Variants in SUZ12 observed in about 807,000 individuals in gnomAD.
The protein encoded by SUZ12 is SUZ12 polycomb repressive complex 2 subunit.
Under a neutral mutation model 87.3 loss-of-function variants are expected in SUZ12, and 17 were observed. The observed-to-expected ratio is 0.19, with a 90% CI of 0.13 to 0.29. The LOEUF (loss-of-function observed/expected upper bound fraction) is 0.29, where lower values mean the gene tolerates loss of function less well. Among genes scored for constraint, SUZ12 ranks in the 10% least tolerant of loss-of-function variants. The pLI, the probability that SUZ12 is intolerant of heterozygous loss-of-function variation, is 1.00. For synonymous variants in SUZ12, 253 were observed against 312.4 expected, an observed-to-expected ratio of 0.81 and a Z score of 2.01; for missense variants, 526 against 912.2, an observed-to-expected ratio of 0.58 and a Z score of 5.45.
intron 3 of SUZ12, among the ~76,000 whole-genome samples, chr17:31,941,402 G>A (rs958584097): frequency 1.3e-5 from 2 of 151,568 alleles, no homozygotes; most frequent in African/African-American, 4.8e-5. Context: ...GGTTACAGGC[G>A]CCTGCCACCA....
intron 3 of SUZ12, among the ~76,000 whole-genome samples, chr17:31,945,737 A>C (rs1906594737): frequency 6.6e-6 from 1 of 152,204 alleles, no homozygotes; most frequent in Admixed American, 6.5e-5. Context: ...TCTATTTCAA[A>C]TGGTTAATCA....
Position 31,983,108 on chromosome 17 carries a change from T to C in SUZ12, c.1023+4T>C. On this transcript the variant is annotated splice_donor_region_variant and intron_variant, in intron 9 of 15. Coordinates refer to ENST00000322652, the MANE Select transcript of SUZ12 (RefSeq NM_015355.4). Reference sequence around the variant, plus strand: ...GGAGACTATTCTTGATGGGAAGGTATGGACTACTTAGAAGGTTGAGCACGT... The same window carrying C: ...GGAGACTATTCTTGATGGGAAGGTACGGACTACTTAGAAGGTTGAGCACGT... 1.9e-6 allele frequency: 3 copies of C among 1,612,952 alleles called. No individual in the cohort carries two copies. The highest frequency in any genetic ancestry group is 2.5e-6 in the Non-Finnish European group (3 of 1,179,544).
intron 4 of SUZ12, among the ~76,000 whole-genome samples, chr17:31,955,530 C>T (rs1187217807): frequency 2.0e-5 from 3 of 151,978 alleles, no homozygotes; most frequent in Non-Finnish European, 4.4e-5. Context: ...GGGCGGATCA[C>T]GAGGTCAGGA....
At chr17:31,960,003 T>C (rs988002117) in intron 4 of SUZ12, among the ~76,000 whole-genome samples, 6 of 152,210 alleles carry the variant, frequency 3.9e-5, no homozygotes, top group Non-Finnish European at 8.8e-5. Flanking sequence ...AAACTAGATT[T>C]TTTTGTGGCC....
chr17:31,986,085 C>G (rs1337078931), intron 9 of SUZ12, among the ~76,000 whole-genome samples: 1 of 152,124 alleles, frequency 6.6e-6, no homozygotes, highest in Non-Finnish European at 1.5e-5. Context: ...TCTCTTGCCT[C>G]AGCCTCCTGA....
chr17:31,956,159 C>T (rs908560223), intron 4 of SUZ12, among the ~76,000 whole-genome samples: 22 of 151,574 alleles, frequency 1.5e-4, no homozygotes, highest in Admixed American at 4.6e-4. Context: ...GTGATCTGTC[C>T]GCCTCGGCCT....
At chr17:31,966,430 C>T (rs1416139954) in intron 5 of SUZ12, 1 of 415,148 alleles carries the variant, frequency 2.4e-6, no homozygotes, top group Admixed American at 4.3e-5. Context: ...TGACTGCAGC[C>T]TCCACCTCCC....
chr17:31,945,866 G>A (rs2142126381), intron 3 of SUZ12, among the ~76,000 whole-genome samples: 1 of 152,230 alleles, frequency 6.6e-6, no homozygotes, highest in South Asian at 2.1e-4. Flanking sequence ...ATTCGGAAAA[G>A]TTTTCAGTAG....
At chr17:31,980,104 A>ATTTGAGCCCAGGAG (rs1909009491) in intron 8 of SUZ12, among the ~76,000 whole-genome samples, 1 of 151,916 alleles carries the variant, frequency 6.6e-6, no homozygotes, top group East Asian at 1.9e-4. Context: ...CGGGAAGACT[A>ATTTGAGCCCAGGAG]TTTGAGCCCA....
chr17:31,937,657 T>G (rs1906022581), intron 1 of SUZ12, 137 bp downstream of exon 1: 24 of 1,244,654 alleles, frequency 1.9e-5, no homozygotes, highest in Non-Finnish European at 2.5e-5. Context: ...GATGTCCCCC[T>G]TTCGGAGATT....
In SUZ12 at chr17:32,000,646, AAAAG is replaced by A; in HGVS notation, c.*1645_*1648del. On this transcript the variant is annotated 3_prime_UTR_variant, in exon 16 of 16. Transcript: ENST00000322652. ...GTGCACATATGTAAAAAAAAAAAAAAAAAGATTATTTTAGGGGAGATGTAGGTGT... is the reference window on the plus strand; with the variant it reads ...GTGCACATATGTAAAAAAAAAAAAAAATTATTTTAGGGGAGATGTAGGTGT... The A allele has an allele frequency of 4.3e-6, 1 of 232,482 alleles. No homozygotes were observed. The highest frequency in any genetic ancestry group is 2.2e-5 in the African/African-American group (1 of 45,358). 14.4% of individuals were successfully genotyped at this position (232,482 alleles called of 1,614,324 possible). A position where few individuals can be genotyped will look rare whatever the true frequency, so the allele number is the denominator to read the frequency against.
At chr17:31,996,771 A>G (rs749124383) in intron 14 of SUZ12, 27 bp from the exon 15 acceptor site, 9 of 1,458,964 alleles carry the variant, frequency 6.2e-6, no homozygotes, top group Non-Finnish European at 8.3e-6. Flanking sequence ...TATGTGTTTA[A>G]TAGGTGTTTT....
intron 10 of SUZ12, among the ~76,000 whole-genome samples, chr17:31,989,669 G>A (rs1159982428): frequency 6.6e-6 from 1 of 151,922 alleles, no homozygotes; most frequent in Non-Finnish European, 1.5e-5. Context: ...CTTAATCTCG[G>A]CTCACTGCAC....
At chr17:31,994,251 T>C in intron 12 of SUZ12, 2 of 456,270 alleles carry the variant, frequency 4.4e-6, no homozygotes, top group Non-Finnish European at 7.6e-6. Context: ...TTTGGAATTA[T>C]AATTAATGTT....
At chr17:31,964,372 C>T (rs1390590406) in intron 4 of SUZ12, among the ~76,000 whole-genome samples, 1 of 151,304 alleles carries the variant, frequency 6.6e-6, no homozygotes, top group Non-Finnish European at 1.5e-5. Context: ...ACTTTCTGTA[C>T]TACTGTTCTA....
Position 31,978,067 on chromosome 17 carries a change from T to A in SUZ12, c.917+1453T>A, listed in dbSNP as rs541356718. On this transcript the variant is annotated intron_variant, in intron 8 of 15. Transcript: ENST00000322652. ...TGGGAAGCAAATCCAGCATTTTTTC[T>A]TTTTGGGATTGGAGAAAGAAACCTA... is the stretch of plus-strand genomic sequence containing the variant. Among the ~76,000 whole-genome samples, 4 of 152,266 alleles carry A rather than the reference T, an allele frequency of 2.6e-5. No homozygotes were observed. In the East Asian group the frequency reaches 7.7e-4, roughly 29 times the overall value.
At chr17:31,975,161 A>G (rs567256375) in intron 6 of SUZ12, among the ~76,000 whole-genome samples, 1 of 152,328 alleles carries the variant, frequency 6.6e-6, no homozygotes, top group East Asian at 1.9e-4. Context: ...AAAAAGCCTT[A>G]CCAGAGAGAT....
At chr17:31,962,099 T>G (rs1907756003) in intron 4 of SUZ12, among the ~76,000 whole-genome samples, 1 of 152,322 alleles carries the variant, frequency 6.6e-6, no homozygotes, top group East Asian at 1.9e-4. Context: ...TTTAGGGTCT[T>G]TGTAGAAGAG....
rs181981864 is a variant in SUZ12 at position 31,970,394 on chromosome 17, G to A, written c.506-2752G>A. On this transcript the variant is annotated intron_variant, in intron 5 of 15. Transcript: ENST00000322652. The stretch of plus-strand genomic sequence containing the variant: ...TGTAATCCCAGCACTTTGGGAGGCC[G>A]AGGCAGGTAGATCACCTGAGGTAGG... 1.2e-3 allele frequency among the ~76,000 whole-genome samples: 186 copies of A among 152,248 alleles called. 1 individual carries two copies. The highest frequency in any genetic ancestry group is 0.01 in the East Asian group (53 of 5,174).
Sources: allele counts gnomAD v4.1 joint callset (sites outside exome capture counted in the v4.1 genomes callset), GRCh38; gene constraint gnomAD v4.1.1; transcripts MANE v1.5; gene names NCBI Gene and HGNC (gene_info 2026-07-23, HGNC 2026-07-21).